The following PDE3A variants were observed in gnomAD, a reference collection of about 807,000 sequenced individuals.
PDE3A encodes phosphodiesterase 3A.
PDE3A carries 43 observed loss-of-function variants against 98.3 expected under a neutral mutation model. The observed-to-expected ratio is 0.44, with a 90% CI of 0.34 to 0.56. PDE3A has a LOEUF of 0.56. PDE3A is among the 20% of genes least tolerant of loss of function. The pLI is 0.01. For missense variants in PDE3A, 1,427 were observed against 1,440.7 expected (o/e 0.99, Z 0.15); for synonymous variants, 663 against 567.9 (o/e 1.17, Z -2.38).
chr12:20,456,828 A>G (rs1431622908), intron 1 of PDE3A, among the ~76,000 whole-genome samples: 1 of 152,158 alleles, frequency 6.6e-6, no homozygotes, highest in African/African-American at 2.4e-5. Context: ...GGGCTTGCCC[A>G]CAGGAATCAA....
At chr12:20,534,167 T>C (rs1941694781) in intron 1 of PDE3A, among the ~76,000 whole-genome samples, 1 of 152,236 alleles carries the variant, frequency 6.6e-6, no homozygotes, top group Non-Finnish European at 1.5e-5. Context: ...ATTTATTATA[T>C]TGTAATTATT....
rs191419832 is a variant in PDE3A, at chr12:20,520,531, A to T, written c.961-36129A>T. ...ACACATGCAGATGCTTAGGAAAATA[A>T]ATTATAAATATTTCTTATGTCTGCC... On this transcript the variant is annotated intron_variant, in intron 1 of 15. Coordinates refer to ENST00000359062, the MANE Select transcript of PDE3A (RefSeq NM_000921.5). Among the ~76,000 whole-genome samples, 314 of 152,360 alleles carry T rather than the reference A, an allele frequency of 2.1e-3. 3 individuals are homozygous for T. The highest frequency in any genetic ancestry group is 7.3e-3 in the African/African-American group (303 of 41,576).
chr12:20,617,598 G>C (rs753177126), intron 4 of PDE3A, among the ~76,000 whole-genome samples: 5 of 152,082 alleles, frequency 3.3e-5, no homozygotes, highest in Non-Finnish European at 5.9e-5. Context: ...AATGCTAATA[G>C]TATTATAGTT....
At chr12:20,569,018 T>A (rs571982174) in intron 2 of PDE3A, among the ~76,000 whole-genome samples, 2 of 152,050 alleles carry the variant, frequency 1.3e-5, no homozygotes, top group Non-Finnish European at 2.9e-5. Context: ...GCCACCACAT[T>A]AATAAATATG....
intron 2 of PDE3A, among the ~76,000 whole-genome samples, chr12:20,575,677 T>C (rs2121324648): frequency 6.6e-6 from 1 of 152,184 alleles, no homozygotes; most frequent in South Asian, 2.1e-4. Flanking sequence ...AAAAGAGTTC[T>C]ACTTCATTCT....
chr12:20,629,091 T>C (rs745553643), intron 5 of PDE3A, among the ~76,000 whole-genome samples: 2 of 152,230 alleles, frequency 1.3e-5, no homozygotes, highest in Non-Finnish European at 2.9e-5. Flanking sequence ...GTTATTTCTC[T>C]CCTTTTTTCC....
In PDE3A at chr12:20,369,622, C is replaced by CG; in HGVS notation, c.342dup (p.Pro115AlafsTer105). 1.3e-6 allele frequency: 2 copies of CG among 1,580,304 alleles called. No individual in the cohort carries two copies. Among genetic ancestry groups the CG allele is most frequent in the Non-Finnish European group, 1.7e-6 (2 of 1,163,914 alleles). On this transcript the variant is annotated frameshift_variant, in exon 1 of 16. Transcript: ENST00000359062. LOFTEE classifies it high-confidence loss of function. Reference sequence around the variant, plus strand: ...CCGGGAGCAGAAGGGGGCGTCTTCCCGGGGCCTCGGGGAGGTGCTCCCGGG... The same window carrying CG: ...CCGGGAGCAGAAGGGGGCGTCTTCCCGGGGGCCTCGGGGAGGTGCTCCCGGG...
At chr12:20,501,774 A>G (rs545807561) in intron 1 of PDE3A, among the ~76,000 whole-genome samples, 11 of 152,314 alleles carry the variant, frequency 7.2e-5, no homozygotes, top group African/African-American at 2.6e-4. Context: ...CAATCAAAAA[A>G]GGATTCTAGA....
chr12:20,465,474 G>A (rs1484636653), intron 1 of PDE3A, among the ~76,000 whole-genome samples: 2 of 151,998 alleles, frequency 1.3e-5, no homozygotes, highest in South Asian at 2.1e-4. Context: ...GCTGTGGCAC[G>A]ATCTTGGCTC....
intron 1 of PDE3A, among the ~76,000 whole-genome samples, chr12:20,519,384 T>A (rs980097602): frequency 1.3e-5 from 2 of 152,140 alleles, no homozygotes. Flanking sequence ...TCTACAATGC[T>A]TGGTATGGAA....
chr12:20,602,992 G>GTACAT (rs1249711819), intron 2 of PDE3A, among the ~76,000 whole-genome samples: 8 of 152,112 alleles, frequency 5.3e-5, no homozygotes, highest in Admixed American at 5.2e-4. Context: ...AATTAATGTA[G>GTACAT]TACATTAAAG....
At chr12:20,480,782 A>G (rs978156566) in intron 1 of PDE3A, among the ~76,000 whole-genome samples, 2 of 152,218 alleles carry the variant, frequency 1.3e-5, no homozygotes, top group Admixed American at 6.5e-5. Flanking sequence ...TTTTTCCACT[A>G]TCTTTTCACA....
intron 10 of PDE3A, among the ~76,000 whole-genome samples, chr12:20,645,801 A>C (rs1247397481): frequency 1.3e-5 from 2 of 152,054 alleles, no homozygotes; most frequent in African/African-American, 2.4e-5. Context: ...AGATGATGGC[A>C]TTATCTGGTT....
chr12:20,576,927 G>GTT (rs34053941), intron 2 of PDE3A, among the ~76,000 whole-genome samples: 121 of 148,766 alleles, frequency 8.1e-4, no homozygotes, highest in East Asian at 2.0e-3. Flanking sequence ...GAAACATGAA[G>GTT]TTTTTTTTTT....
chr12:20,530,655 T>G (rs1393902722), intron 1 of PDE3A, among the ~76,000 whole-genome samples: 2 of 152,142 alleles, frequency 1.3e-5, no homozygotes, highest in African/African-American at 4.8e-5. Flanking sequence ...TATTAAGAAT[T>G]GGTGCTATGG....
intron 1 of PDE3A, among the ~76,000 whole-genome samples, chr12:20,424,362 T>C (rs543021033): frequency 1.3e-5 from 2 of 151,976 alleles, no homozygotes; most frequent in East Asian, 3.9e-4. Context: ...ACTGCCCTCT[T>C]TCAATTACTT....
chr12:20,686,185 A>G lies in PDE3A; in HGVS notation c.*5914A>G, dbSNP rs935544336. On this transcript the variant is annotated 3_prime_UTR_variant, in exon 16 of 16. Coordinates refer to ENST00000359062, the MANE Select transcript of PDE3A (RefSeq NM_000921.5). ...ACAAGCCTCATGGGGAAAATGTTTT[A>G]TGAAGGATTCAAATACATTAGATAA... 6.6e-6 allele frequency among the ~76,000 whole-genome samples: 1 copy of G among 152,196 alleles called. No individual in the cohort carries two copies. Among genetic ancestry groups the G allele is most frequent in the Non-Finnish European group, 1.5e-5 (1 of 68,004 alleles).
chr12:20,448,388 C>G (rs1413636216), intron 1 of PDE3A, among the ~76,000 whole-genome samples: 1 of 152,098 alleles, frequency 6.6e-6, no homozygotes, highest in African/African-American at 2.4e-5. Context: ...TTGCTGTGAG[C>G]CGAGGTCGCG....
At chr12:20,410,557 A>G (rs1270202383) in intron 1 of PDE3A, among the ~76,000 whole-genome samples, 1 of 152,136 alleles carries the variant, frequency 6.6e-6, no homozygotes, top group Admixed American at 6.6e-5. Context: ...TCCGTCAGCT[A>G]CCTAGAGTTA....
Sources: allele counts gnomAD v4.1 joint callset (sites outside exome capture counted in the v4.1 genomes callset), GRCh38; gene constraint gnomAD v4.1.1; transcripts MANE v1.5; gene names NCBI Gene and HGNC (gene_info 2026-07-23, HGNC 2026-07-21).